Variants in DOCK1 observed in about 807,000 individuals in gnomAD.
The protein encoded by DOCK1 is dedicator of cytokinesis protein 1.
Under a neutral mutation model 262.7 loss-of-function variants are expected in DOCK1, and 138 were observed. The observed-to-expected ratio is 0.53, with a 90% CI of 0.46 to 0.61. The LOEUF is 0.61. DOCK1 is among the 20% of genes least tolerant of loss of function. The pLI is 0.00. For missense variants in DOCK1, 1,908 were observed against 2,370.7 expected (o/e 0.80, Z 4.05); for synonymous variants, 866 against 867.4 (o/e 1.00, Z 0.03).
chr10:127,224,774 A>G (rs2058576140), intron 27 of DOCK1, among the ~76,000 whole-genome samples: 1 of 151,820 alleles, frequency 6.6e-6, no homozygotes, highest in South Asian at 2.1e-4. Flanking sequence ...TATATTATCT[A>G]TATCTGTATA....
rs924606585 is a variant in DOCK1, at chr10:126,936,889, A to G, written c.46+31326A>G. On this transcript the variant is annotated intron_variant, in intron 1 of 51. Coordinates refer to ENST00000623213, the MANE Select transcript of DOCK1 (RefSeq NM_001290223.2). ...TGTGCAAACAGCAGCACCATTCGTC[A>G]CCGGAACTCTTTTCATCTTCCCCAA... Among the ~76,000 whole-genome samples the G allele has an allele frequency of 7.3e-3, 1,112 of 152,320 alleles. 17 individuals are homozygous for G. Among genetic ancestry groups the G allele is most frequent in the African/African-American group, 0.025 (1,033 of 41,578 alleles).
chr10:126,942,838 A>G (rs1172348832), intron 1 of DOCK1, among the ~76,000 whole-genome samples: 2 of 152,326 alleles, frequency 1.3e-5, no homozygotes, highest in African/African-American at 4.8e-5. Context: ...AAAATGCTTA[A>G]CTAGATTACA....
intron 27 of DOCK1, among the ~76,000 whole-genome samples, chr10:127,140,124 A>G (rs1210227509): frequency 6.6e-6 from 1 of 152,168 alleles, no homozygotes; most frequent in Non-Finnish European, 1.5e-5. Flanking sequence ...ATTAGAACAG[A>G]GAGAAGGCGC....
intron 1 of DOCK1, among the ~76,000 whole-genome samples, chr10:126,959,753 A>T (rs1283789671): frequency 6.6e-6 from 1 of 152,158 alleles, no homozygotes; most frequent in Non-Finnish European, 1.5e-5. Flanking sequence ...TCTCCAGGAC[A>T]TGCCTACCTG....
chr10:127,220,775 T>C (rs1202971174), intron 27 of DOCK1, among the ~76,000 whole-genome samples: 1 of 152,176 alleles, frequency 6.6e-6, no homozygotes, highest in Admixed American at 6.5e-5. Context: ...GCCCTTTTTT[T>C]TTTCCCTTTA....
At chr10:127,292,038 T>A (rs996495344) in intron 29 of DOCK1, among the ~76,000 whole-genome samples, 3 of 152,176 alleles carry the variant, frequency 2.0e-5, no homozygotes, top group Non-Finnish European at 2.9e-5. Context: ...TTGGAAAGTC[T>A]GTGTGTCCAA....
At chr10:127,369,183 C>G (rs1054782353) in intron 33 of DOCK1, among the ~76,000 whole-genome samples, 3 of 152,174 alleles carry the variant, frequency 2.0e-5, no homozygotes, top group African/African-American at 7.2e-5. Context: ...GGCTCTGCCA[C>G]TTGGTGGAAA....
intron 43 of DOCK1, among the ~76,000 whole-genome samples, chr10:127,413,638 A>T (rs1386850123): frequency 6.6e-6 from 1 of 152,214 alleles, no homozygotes. Context: ...AGCTGGCCGT[A>T]AAGCCCAGGA....
At chr10:127,216,619 T>G (rs1203636381) in intron 27 of DOCK1, among the ~76,000 whole-genome samples, 1 of 152,162 alleles carries the variant, frequency 6.6e-6, no homozygotes, top group Non-Finnish European at 1.5e-5. Flanking sequence ...AAGGTTCCTT[T>G]TGATAAAGTC....
In DOCK1 at chr10:127,257,924, C is replaced by A. The variant is rs2059884372; in HGVS notation, c.3044+495C>A. The A allele has an allele frequency of 2.0e-5, 3 of 152,338 alleles. No homozygotes were observed. In the South Asian group the frequency reaches 6.2e-4, roughly 31 times the overall value. The allele number at this position is 152,338 out of a possible 1,614,324, so 9.4% of individuals were successfully genotyped here. ...AGGGCTGTTGGTTAATTTTCTAGCACATTGGGTTTTATCATTTCTGTAAGC... is the reference window on the plus strand; with the variant it reads ...AGGGCTGTTGGTTAATTTTCTAGCAAATTGGGTTTTATCATTTCTGTAAGC... On this transcript the variant is annotated intron_variant, in intron 29 of 51. Transcript: ENST00000623213.
intron 32 of DOCK1, among the ~76,000 whole-genome samples, chr10:127,360,881 C>T (rs2064386875): frequency 6.6e-6 from 1 of 152,152 alleles, no homozygotes; most frequent in Admixed American, 6.5e-5. Context: ...GCCCACTTTC[C>T]TCGTCTGTTT....
At chr10:127,388,051 A>G (rs116706392) in intron 38 of DOCK1, among the ~76,000 whole-genome samples, 1,629 of 152,300 alleles carry the variant, frequency 0.011, 22 homozygotes, top group African/African-American at 0.037. Flanking sequence ...AGCAGTGCAC[A>G]CATGGCCCCC....
chr10:126,979,906 C>T (rs1309854490), intron 3 of DOCK1, among the ~76,000 whole-genome samples: 3 of 152,096 alleles, frequency 2.0e-5, no homozygotes, highest in Non-Finnish European at 4.4e-5. Flanking sequence ...GCGGAAGTTG[C>T]GCATTTCAAA....
chr10:126,985,619 A>G (rs562821471), intron 4 of DOCK1, among the ~76,000 whole-genome samples: 84 of 152,170 alleles, frequency 5.5e-4, no homozygotes, highest in African/African-American at 1.9e-3. Flanking sequence ...AGTGCACTCA[A>G]CCCAGGATCC....
chr10:127,005,810 T>C (rs990660548), intron 10 of DOCK1, among the ~76,000 whole-genome samples: 4 of 152,232 alleles, frequency 2.6e-5, no homozygotes, highest in Admixed American at 6.5e-5. Context: ...TGTATTTGTT[T>C]ATTTAACTGA....
intron 33 of DOCK1, among the ~76,000 whole-genome samples, chr10:127,369,574 A>G (rs1276870646): frequency 6.6e-6 from 1 of 152,172 alleles, no homozygotes. Context: ...TCACTCTTTA[A>G]TCTGTGTCAT....
At chr10:127,362,957 G>A (rs61665135) in intron 33 of DOCK1, among the ~76,000 whole-genome samples, 276 of 2,268 alleles carry the variant, frequency 0.12, 14 homozygotes, top group East Asian at 0.21. Flanking sequence ...ATACACATGT[G>A]CATCCCCACA....
In DOCK1 at chr10:127,433,169, T is replaced by C. The variant is rs1189647214; in HGVS notation, c.4915-114T>C. 6 of 1,420,356 alleles carry C rather than the reference T, an allele frequency of 4.2e-6. No individual in the cohort carries two copies. The Admixed American group carries it at 1.2e-4, about 29-fold the overall frequency. 88.0% of individuals were successfully genotyped at this position (1,420,356 alleles called of 1,614,324 possible). ...CAAGAACATGTACTGTTTACAGAAGTCTGAACGATGATGGTCTCGATTCCA... is the reference window on the plus strand; with the variant it reads ...CAAGAACATGTACTGTTTACAGAAGCCTGAACGATGATGGTCTCGATTCCA... On this transcript the variant is annotated intron_variant, in intron 47 of 51. Coordinates refer to ENST00000623213, the MANE Select transcript of DOCK1 (RefSeq NM_001290223.2).
At position 127,439,204 on chromosome 10, in the gene DOCK1, G is replaced by A. The variant is rs1264769496; in HGVS notation, c.5238G>A (p.Glu1746=). Residue 1746 remains glutamate (E), a synonymous_variant, in exon 49 of 52, where the codon GAG becomes GAA. Coordinates refer to ENST00000623213, the MANE Select transcript of DOCK1 (RefSeq NM_001290223.2). ...CCGACATTTCCCTGCAGCAGTCTGA[G>A]GCTGTGATCCTTTCGGAAACGGTAA... ...KPTDISLQQS[E]AVILSETISP... 1.9e-6 allele frequency: 3 copies of A among 1,611,268 alleles called. No individual in the cohort carries two copies. The highest frequency in any genetic ancestry group is 8.5e-7 in the Non-Finnish European group (1 of 1,178,842).
Sources: gnomAD v4.1 joint callset for allele counts (sites outside exome capture counted in the v4.1 genomes callset) on GRCh38, gnomAD v4.1.1 for gene constraint, MANE v1.5 for transcripts, NCBI Gene and HGNC (gene_info 2026-07-23, HGNC 2026-07-21) for gene names.